The following ZNF99 variants were observed in gnomAD, a reference collection of about 807,000 sequenced individuals.
ZNF99 encodes zinc finger protein ENSP00000375192.
A neutral mutation model predicts 12.8 loss-of-function variants in ZNF99; 8 were observed. That is an observed-to-expected ratio of 0.62 (90% confidence interval 0.37 to 1.13). The LOEUF (loss-of-function observed/expected upper bound fraction) is 1.13, where lower values mean the gene tolerates loss of function less well. ZNF99 is among the 50% of genes most tolerant of loss of function. ZNF99 has a pLI of 0.02. For missense variants in ZNF99, 1,007 were observed against 1,006.2 expected, an observed-to-expected ratio of 1.00 and a Z score of -0.01; for synonymous variants, 318 against 319.0, an observed-to-expected ratio of 1.00 and a Z score of 0.03.
In ZNF99 at chr19:22,784,054, G is replaced by A; in HGVS notation, c.-38C>T. 6.2e-7 allele frequency: 1 copy of A among 1,612,938 alleles called. No individual in the cohort carries two copies. The highest frequency in any genetic ancestry group is 8.5e-7 in the Non-Finnish European group (1 of 1,179,474). ...AGGGGGTCCTGGCGTCCTAGCTGTG[G>A]ATCTCCAAATACCTACAGGTCACAG... On this transcript the variant is annotated 5_prime_UTR_variant, in exon 1 of 4. Coordinates refer to ENST00000596209, the MANE Select transcript of ZNF99 (RefSeq NM_001080409.3).
At chr19:22,781,301 C>T (rs1440393582) in intron 1 of ZNF99, among the ~76,000 whole-genome samples, 1 of 151,754 alleles carries the variant, frequency 6.6e-6, no homozygotes, top group Non-Finnish European at 1.5e-5. Context: ...ATTCTCCTCA[C>T]TTAAGTGCCC....
Position 22,758,629 on chromosome 19 carries a change from C to T in ZNF99, c.1280G>A (p.Cys427Tyr), listed in dbSNP as rs769873910. ...VIHTAEKPCK[C>Y]EECGKAFKRF... The stretch of plus-strand genomic sequence containing the variant: ...CTTAAAAGCTTTGCCACATTCTTCA[C>T]ATTTGCAGGGTTTCTCTGCAGTATG... The change falls in exon 4 of 4, where the codon TGT becomes TAT. Residue 427 changes from cysteine to tyrosine, a missense_variant. By Grantham distance (194) the Cys-to-Tyr change is radical. Transcript: ENST00000596209. 3.7e-6 allele frequency: 6 copies of T among 1,612,796 alleles called. No homozygotes were observed. The highest frequency in any genetic ancestry group is 2.2e-5 in the East Asian group (1 of 44,846).
intron 1 of ZNF99, chr19:22,770,069 T>G (rs1973249802): frequency 8.3e-7 from 1 of 1,205,984 alleles, no homozygotes; most frequent in Non-Finnish European, 1.1e-6. Flanking sequence ...AGATCTGGAA[T>G]AAAGTCTGAG....
At chr19:22,771,700 A>C (rs1239957324) in intron 1 of ZNF99, among the ~76,000 whole-genome samples, 2 of 142,688 alleles carry the variant, frequency 1.4e-5, no homozygotes, top group Non-Finnish European at 3.1e-5. Flanking sequence ...CCTATTCAAC[A>C]ACCACAGGTG....
chr19:22,757,799 G>A lies in ZNF99; in HGVS notation c.2110C>T (p.Pro704Ser). Residue 704 changes from proline (P) to serine (S), a missense_variant, in exon 4 of 4, where the codon CCC becomes TCC. By Grantham distance (74) the Pro-to-Ser change is moderately conservative. Coordinates refer to ENST00000596209, the MANE Select transcript of ZNF99 (RefSeq NM_001080409.3). ...TTGCCACATTCTTCACATTTGTAGG[G>A]TTTCTTTCCAGTATGAATTATCTTA... ...KHKIIHTGKKPYKCEECGKAF... is the reference protein window; with the variant it reads ...KHKIIHTGKKSYKCEECGKAF... 6.2e-7 allele frequency: 1 copy of A among 1,612,662 alleles called. No homozygotes were observed. Among genetic ancestry groups the A allele is most frequent in the Non-Finnish European group, 8.5e-7 (1 of 1,179,646 alleles).
rs548111939 is a variant in ZNF99 at position 22,781,426 on chromosome 19, T to G, written c.3+2588A>C. On this transcript the variant is annotated intron_variant, in intron 1 of 3. Transcript: ENST00000596209. The stretch of plus-strand genomic sequence containing the variant: ...CACTTTTTTTTTTTTTTTTTTTTTT[T>G]GTCGTTTGGGACACTATTTTTGATT... 7.6e-3 allele frequency among the ~76,000 whole-genome samples: 1,057 copies of G among 139,300 alleles called. 13 individuals are homozygous for G. Among genetic ancestry groups the G allele is most frequent in the African/African-American group, 0.03 (982 of 32,372 alleles). The allele number at this position is 139,300 out of a possible 152,430, so 91.4% of individuals were successfully genotyped here.
chr19:22,769,998 A>G (rs1973249094), intron 1 of ZNF99: 1 of 1,353,338 alleles, frequency 7.4e-7, no homozygotes, highest in African/African-American at 1.5e-5. Context: ...GTTAGAAGAC[A>G]CCTCTCAAAT....
Position 22,756,634 on chromosome 19 carries a change from C to T in ZNF99, c.*680G>A, listed in dbSNP as rs1480899591. 6.3e-7 allele frequency: 1 copy of T among 1,592,920 alleles called. No individual in the cohort carries two copies. On this transcript the variant is annotated 3_prime_UTR_variant, in exon 4 of 4. Transcript: ENST00000596209. ...TTCTTCACATTTGTACGGTTTCTCC[C>T]CAGTATGAATTATCTTATGTTTCAT...
Position 22,754,432 on chromosome 19 carries a change from C to A in ZNF99, c.*2882G>T. On this transcript the variant is annotated 3_prime_UTR_variant, in exon 4 of 4. Transcript: ENST00000596209. ...AGAATTTCTCTACAACATAAATTAT[C>A]TTATGTGTAATAAGGGTTGAAATGT... is the stretch of plus-strand genomic sequence containing the variant. 2 of 401,552 alleles carry A rather than the reference C, an allele frequency of 5.0e-6. No homozygotes were observed. The highest frequency in any genetic ancestry group is 1.8e-5 in the South Asian group (1 of 54,936). 24.9% of individuals were successfully genotyped at this position (401,552 alleles called of 1,614,324 possible).
Position 22,769,286 on chromosome 19 carries a change from A to G in ZNF99, c.42T>C (p.Ala14=). 2 of 1,610,002 alleles carry G rather than the reference A, an allele frequency of 1.2e-6. No homozygotes were observed. Among genetic ancestry groups the G allele is most frequent in the Non-Finnish European group, 1.7e-6 (2 of 1,177,876 alleles). The part of the protein sequence containing the change: ...LTFWDVTIEF[A]LEEWQCLDMA... Reference sequence around the variant, plus strand: ...TGTCCAGGCATTGCCACTCCTCCAGAGCGAATTCTATGGTCACATCCCAAA... The same window carrying G: ...TGTCCAGGCATTGCCACTCCTCCAGGGCGAATTCTATGGTCACATCCCAAA... Residue 14 remains alanine (A), a synonymous_variant, in exon 2 of 4, where the codon GCT becomes GCC. Transcript: ENST00000596209.
intron 3 of ZNF99, among the ~76,000 whole-genome samples, chr19:22,761,223 A>T (rs544011866): frequency 1.3e-5 from 2 of 152,296 alleles, no homozygotes; most frequent in East Asian, 3.9e-4. Flanking sequence ...AAAAAATTTT[A>T]AAAATGAGGA....
chr19:22,782,924 T>C (rs1973405883), intron 1 of ZNF99, among the ~76,000 whole-genome samples: 3 of 137,376 alleles, frequency 2.2e-5, no homozygotes, highest in Non-Finnish European at 4.7e-5. Context: ...CGCCTCGGCC[T>C]CCCAAAGTGC....
intron 3 of ZNF99, among the ~76,000 whole-genome samples, chr19:22,764,121 C>T (rs188689872): frequency 1.4e-3 from 211 of 151,900 alleles, no homozygotes; most frequent in Non-Finnish European, 2.5e-3. Context: ...ATTGGCCAGG[C>T]TGGTCTTGAA....
At chr19:22,763,612 A>G (rs1410941998) in intron 3 of ZNF99, among the ~76,000 whole-genome samples, 1 of 152,202 alleles carries the variant, frequency 6.6e-6, no homozygotes, top group African/African-American at 2.4e-5. Flanking sequence ...CATTCTTCAC[A>G]GAATTAGAAA....
Position 22,755,836 on chromosome 19 carries a change from C to G in ZNF99, c.*1478G>C. The stretch of plus-strand genomic sequence containing the variant: ...CTTACATTCAGTAAGATTTGAGGAC[C>G]AGTTAAAAGCTTTGCCATATTATTC... On this transcript the variant is annotated 3_prime_UTR_variant, in exon 4 of 4. Coordinates refer to ENST00000596209, the MANE Select transcript of ZNF99 (RefSeq NM_001080409.3). 3.5e-6 allele frequency: 1 copy of G among 288,820 alleles called. No individual in the cohort carries two copies. Among genetic ancestry groups the G allele is most frequent in the Non-Finnish European group, 7.0e-6 (1 of 143,116 alleles). The allele number at this position is 288,820 out of a possible 1,614,324, so 17.9% of individuals were successfully genotyped here. A position where few individuals can be genotyped will look rare whatever the true frequency, so the allele number is the denominator to read the frequency against.
intron 1 of ZNF99, among the ~76,000 whole-genome samples, 168 bp from the exon 2 acceptor site, chr19:22,769,492 G>A (rs1191762616): frequency 6.6e-6 from 1 of 151,972 alleles, no homozygotes; most frequent in African/African-American, 2.4e-5. Flanking sequence ...TCTCGGCTGG[G>A]CGCAGTGGCT....
chr19:22,760,945 C>T (rs1440444679), intron 3 of ZNF99, among the ~76,000 whole-genome samples: 1 of 148,234 alleles, frequency 6.7e-6, no homozygotes, highest in Non-Finnish European at 1.5e-5. Flanking sequence ...GTTTGACATA[C>T]TCCCAGAATC....
At position 22,759,133 on chromosome 19, in the gene ZNF99, C is replaced by T. The variant is rs1973119725; in HGVS notation, c.776G>A (p.Cys259Tyr). ...IIHTGKKPCK[C>Y]EECGKVFNNS... ...GTTAAAAACTTTGCCACATTCTTCA[C>T]ATTTGCAGGGTTTCTTTCCAGTATG... The change falls in exon 4 of 4, where the codon TGT becomes TAT. Residue 259 changes from cysteine to tyrosine, a missense_variant. Transcript: ENST00000596209. 4.3e-6 allele frequency: 7 copies of T among 1,611,184 alleles called. No individual in the cohort carries two copies. Among genetic ancestry groups the T allele is most frequent in the Non-Finnish European group, 5.9e-6 (7 of 1,178,524 alleles).
In ZNF99 at chr19:22,758,952, G is replaced by T; in HGVS notation, c.957C>A (p.Gly319=). 6.2e-7 allele frequency: 1 copy of T among 1,613,792 alleles called. No homozygotes were observed. The highest frequency in any genetic ancestry group is 1.7e-4 in the Middle Eastern group (1 of 6,058). The change falls in exon 4 of 4, where the codon GGC becomes GGA. Residue 319 remains glycine, a synonymous_variant. Coordinates refer to ENST00000596209, the MANE Select transcript of ZNF99 (RefSeq NM_001080409.3). ...GGGCTGAGAAATGGTTAAAAGCTTT[G>T]CCACATTCTTCGCATTTGTAGGGTT... ...GEKPYKCEEC[G]KAFNHFSALR...
Sources: allele counts gnomAD v4.1 joint callset (sites outside exome capture counted in the v4.1 genomes callset), GRCh38; gene constraint gnomAD v4.1.1; transcripts MANE v1.5; gene names NCBI Gene and HGNC (gene_info 2026-07-23, HGNC 2026-07-21).